Variants in FGD4 observed in about 807,000 individuals in gnomAD.
FGD4 encodes the protein FYVE, RhoGEF and PH domain containing 4.
FGD4 carries 42 observed loss-of-function variants against 102.0 expected under a neutral mutation model. That is an observed-to-expected ratio of 0.41 (90% CI 0.32 to 0.53). The LOEUF (loss-of-function observed/expected upper bound fraction) is 0.53. FGD4 is among the 20% of genes least tolerant of loss of function. FGD4 has a pLI of 0.21. For synonymous variants in FGD4, 380 were observed against 375.7 expected (o/e 1.01, Z -0.13); for missense variants, 902 against 1,078.2 (o/e 0.84, Z 2.29).
At chr12:32,461,687 C>T (rs181156983) in intron 1 of FGD4, among the ~76,000 whole-genome samples, 2 of 152,224 alleles carry the variant, frequency 1.3e-5, no homozygotes, top group African/African-American at 4.8e-5. Context: ...ATGCCCTTTG[C>T]CTTGTGACTG....
intron 1 of FGD4, chr12:32,485,959 T>A: frequency 3.0e-6 from 4 of 1,315,326 alleles, no homozygotes; most frequent in Non-Finnish European, 3.9e-6. Flanking sequence ...AACAGAACTC[T>A]GTACTTCCCA....
At chr12:32,524,930 A>AT (rs1940985291) in intron 1 of FGD4, among the ~76,000 whole-genome samples, 1 of 152,334 alleles carries the variant, frequency 6.6e-6, no homozygotes, top group South Asian at 2.1e-4. Context: ...AATTTAAACA[A>AT]TGAGGTGCTG....
intron 1 of FGD4, among the ~76,000 whole-genome samples, chr12:32,563,694 A>C (rs370797158): frequency 6.6e-6 from 1 of 152,086 alleles, no homozygotes; most frequent in African/African-American, 2.4e-5. Context: ...ACGCCACTGC[A>C]CTCCAGCCTG....
At chr12:32,427,744 T>C (rs964036979) in intron 1 of FGD4, among the ~76,000 whole-genome samples, 26 of 152,216 alleles carry the variant, frequency 1.7e-4, no homozygotes, top group African/African-American at 5.1e-4. Context: ...ATCTGGGTGC[T>C]CCTGTATTGG....
At chr12:32,580,766 A>G (rs181198562) in intron 3 of FGD4, among the ~76,000 whole-genome samples, 199 of 152,162 alleles carry the variant, frequency 1.3e-3, no homozygotes, top group African/African-American at 4.6e-3. Context: ...GGGCGCCTGT[A>G]GTCCCAGCTA....
chr12:32,633,439 A>G, intron 14 of FGD4, 110 bp from the exon 15 acceptor site: 1 of 1,200,732 alleles, frequency 8.3e-7, no homozygotes, highest in Non-Finnish European at 1.2e-6. Context: ...TCTAACAAAA[A>G]TCTGCCTTCT....
At chr12:32,444,796 G>C (rs1480903490) in intron 1 of FGD4, among the ~76,000 whole-genome samples, 1 of 152,134 alleles carries the variant, frequency 6.6e-6, no homozygotes, top group Non-Finnish European at 1.5e-5. Context: ...GGATGGGTGG[G>C]TATTTCTTCA....
intron 1 of FGD4, among the ~76,000 whole-genome samples, chr12:32,438,062 C>G (rs1340290721): frequency 6.6e-6 from 1 of 152,110 alleles, no homozygotes; most frequent in Non-Finnish European, 1.5e-5. Context: ...CGGGTAATTT[C>G]TATAGTTTTA....
intron 1 of FGD4, among the ~76,000 whole-genome samples, chr12:32,562,863 T>C (rs1490353594): frequency 1.3e-5 from 2 of 152,174 alleles, no homozygotes; most frequent in African/African-American, 2.4e-5. Context: ...TTTCCCCACC[T>C]TTCCCCCCTT....
intron 10 of FGD4, among the ~76,000 whole-genome samples, chr12:32,612,577 T>C (rs1949211040): frequency 6.6e-6 from 1 of 152,212 alleles, no homozygotes; most frequent in South Asian, 2.1e-4. Flanking sequence ...GATATGATAC[T>C]TTCGGAAATC....
Position 32,538,164 on chromosome 12 carries a change from C to T in FGD4, c.167-25973C>T, listed in dbSNP as rs140937324. 5.7e-3 allele frequency among the ~76,000 whole-genome samples: 875 copies of T among 152,318 alleles called. 7 individuals are homozygous for T. Among genetic ancestry groups the T allele is most frequent in the African/African-American group, 0.019 (805 of 41,572 alleles). On this transcript the variant is annotated intron_variant, in intron 1 of 16. Coordinates refer to ENST00000534526, the MANE Select transcript of FGD4 (RefSeq NM_001370298.3). Reference sequence around the variant, plus strand: ...TCACCTGCCTTGGTTTCCCAAAATGCTGGGATTACAGGTGTGAGCCACTGT... The same window carrying T: ...TCACCTGCCTTGGTTTCCCAAAATGTTGGGATTACAGGTGTGAGCCACTGT...
intron 1 of FGD4, among the ~76,000 whole-genome samples, chr12:32,416,163 C>A (rs1941405200): frequency 6.6e-6 from 1 of 152,104 alleles, no homozygotes; most frequent in African/African-American, 2.4e-5. Flanking sequence ...CCATGCCCAG[C>A]TAATTTTTGT....
intron 1 of FGD4, among the ~76,000 whole-genome samples, chr12:32,409,145 G>C (rs1191576469): frequency 6.6e-6 from 1 of 152,174 alleles, no homozygotes; most frequent in East Asian, 1.9e-4. Context: ...GAATCTACCT[G>C]CTACCCAATG....
At chr12:32,428,022 C>T (rs1941909176) in intron 1 of FGD4, among the ~76,000 whole-genome samples, 2 of 152,102 alleles carry the variant, frequency 1.3e-5, no homozygotes, top group Admixed American at 6.5e-5. Context: ...ATCTAATTTG[C>T]CAGTCTGTGT....
chr12:32,629,020 C>A, intron 14 of FGD4, among the ~76,000 whole-genome samples: 1 of 152,182 alleles, frequency 6.6e-6, no homozygotes, highest in East Asian at 1.9e-4. Flanking sequence ...AAGAACCATG[C>A]TTCACCCTGA....
At chr12:32,564,341 AGGCT>A in intron 2 of FGD4, 52 bp downstream of exon 2, 1 of 1,508,834 alleles carries the variant, frequency 6.6e-7, no homozygotes. Flanking sequence ...TGATCAATGA[AGGCT>A]AACCAGAAAA....
intron 1 of FGD4, among the ~76,000 whole-genome samples, chr12:32,414,427 C>T (rs191122055): frequency 1.3e-4 from 20 of 152,210 alleles, no homozygotes; most frequent in African/African-American, 4.8e-4. Flanking sequence ...AGCATTCATC[C>T]TTGTGTTACA....
intron 1 of FGD4, among the ~76,000 whole-genome samples, chr12:32,411,185 T>C (rs1941192474): frequency 6.6e-6 from 1 of 151,240 alleles, no homozygotes; most frequent in Non-Finnish European, 1.5e-5. Context: ...CGGCTCAGCC[T>C]CCCAAAGTGC....
intron 1 of FGD4, among the ~76,000 whole-genome samples, chr12:32,540,223 C>G (rs537073797): frequency 6.6e-6 from 1 of 152,184 alleles, no homozygotes; most frequent in South Asian, 2.1e-4. Context: ...CCTCATAGAC[C>G]TCTAAATGCA....
Sources: gnomAD v4.1 joint callset for allele counts (sites outside exome capture counted in the v4.1 genomes callset) on GRCh38, gnomAD v4.1.1 for gene constraint, MANE v1.5 for transcripts, NCBI Gene and HGNC (gene_info 2026-07-23, HGNC 2026-07-21) for gene names.